Variants in SLC44A5 observed in about 807,000 individuals in gnomAD.
SLC44A5 encodes solute carrier family 44 member 5, also known as choline transporter-like protein 5.
In SLC44A5, 57 loss-of-function variants were observed where a neutral mutation model predicts 101.8. The observed-to-expected ratio is 0.56, with a 90% CI of 0.45 to 0.70. SLC44A5 has a LOEUF of 0.70. Ranked by LOEUF, SLC44A5 falls within the 30% of genes least tolerant of loss-of-function variation. The pLI is 0.00. For synonymous variants in SLC44A5, 281 were observed against 290.9 expected (o/e 0.97, Z 0.35); for missense variants, 737 against 853.1 (o/e 0.86, Z 1.70).
chr1:75,219,790 C>A lies in SLC44A5; in HGVS notation c.1178+10G>T. 6.3e-7 allele frequency: 1 copy of A among 1,597,362 alleles called. No individual in the cohort carries two copies. On this transcript the variant is annotated intron_variant, in intron 15 of 23. Coordinates refer to ENST00000370859, the MANE Select transcript of SLC44A5 (RefSeq NM_001130058.2). ...CCTGAGGTTTAAAGAGGCCAATTACCAAAGGATACACTGCTGTCACGACCC... is the reference window on the plus strand; with the variant it reads ...CCTGAGGTTTAAAGAGGCCAATTACAAAAGGATACACTGCTGTCACGACCC...
At chr1:75,353,759 A>G (rs1658861424) in intron 3 of SLC44A5, among the ~76,000 whole-genome samples, 1 of 152,220 alleles carries the variant, frequency 6.6e-6, no homozygotes, top group Admixed American at 6.6e-5. Flanking sequence ...TACTTTCTGC[A>G]GAGAGATAAT....
intron 5 of SLC44A5, among the ~76,000 whole-genome samples, chr1:75,285,404 TTTTG>T (rs1266566880): frequency 6.6e-6 from 1 of 152,084 alleles, no homozygotes; most frequent in Non-Finnish European, 1.5e-5. Context: ...GGTCTATCAA[TTTTG>T]TTTATCTTTT....
intron 2 of SLC44A5, among the ~76,000 whole-genome samples, chr1:75,510,950 G>A (rs1227954659): frequency 6.6e-6 from 1 of 152,190 alleles, no homozygotes; most frequent in African/African-American, 2.4e-5. Flanking sequence ...AGACCATCCT[G>A]GCTAACACGG....
intron 1 of SLC44A5, among the ~76,000 whole-genome samples, chr1:75,590,797 T>A (rs1055840834): frequency 2.0e-5 from 3 of 151,912 alleles, no homozygotes; most frequent in Non-Finnish European, 4.4e-5. Context: ...AAATAGAAAA[T>A]CAGATAGATT....
chr1:75,501,022 C>T (rs936327698), intron 2 of SLC44A5, among the ~76,000 whole-genome samples: 9 of 152,118 alleles, frequency 5.9e-5, no homozygotes, highest in South Asian at 2.1e-4. Flanking sequence ...GGCAAAGTCA[C>T]GCATTTAATA....
chr1:75,562,940 A>T (rs1376398660), intron 1 of SLC44A5, among the ~76,000 whole-genome samples: 1 of 152,134 alleles, frequency 6.6e-6, no homozygotes, highest in Non-Finnish European at 1.5e-5. Context: ...TTACAAAAAC[A>T]CTTGTATATT....
chr1:75,448,972 C>T (rs1279293672), intron 2 of SLC44A5, among the ~76,000 whole-genome samples: 1 of 152,174 alleles, frequency 6.6e-6, no homozygotes, highest in Admixed American at 6.5e-5. Flanking sequence ...CCTTCTCTTT[C>T]TCAACCACAG....
chr1:75,298,708 G>A (rs1231472624), intron 5 of SLC44A5, among the ~76,000 whole-genome samples: 1 of 152,144 alleles, frequency 6.6e-6, no homozygotes, highest in Non-Finnish European at 1.5e-5. Context: ...TGAAGTTCCT[G>A]TGTGCAGTCA....
chr1:75,478,025 G>A (rs1038522643), intron 2 of SLC44A5, among the ~76,000 whole-genome samples: 15 of 152,160 alleles, frequency 9.9e-5, no homozygotes, highest in South Asian at 8.3e-4. Context: ...ACCCACAAAG[G>A]GAAGCCCATC....
intron 5 of SLC44A5, among the ~76,000 whole-genome samples, chr1:75,287,114 T>C (rs2100805679): frequency 6.6e-6 from 1 of 152,240 alleles, no homozygotes; most frequent in Non-Finnish European, 1.5e-5. Flanking sequence ...AATCCCAAAC[T>C]TTTTGGAGGC....
chr1:75,605,354 A>C (rs1675261811), intron 1 of SLC44A5, among the ~76,000 whole-genome samples: 1 of 151,970 alleles, frequency 6.6e-6, no homozygotes, highest in Admixed American at 6.6e-5. Flanking sequence ...AGTTATTAAG[A>C]ATGAGAAGGT....
At chr1:75,238,459 C>T (rs965222226) in intron 10 of SLC44A5, 54 bp downstream of exon 10, 17 of 1,463,396 alleles carry the variant, frequency 1.2e-5, no homozygotes, top group African/African-American at 8.7e-5. Context: ...GCTTTAGTCT[C>T]GAGTGCAATA....
chr1:75,295,696 T>C (rs1397764578), intron 5 of SLC44A5, among the ~76,000 whole-genome samples: 1 of 152,094 alleles, frequency 6.6e-6, no homozygotes, highest in Non-Finnish European at 1.5e-5. Context: ...TAGTCTTGGA[T>C]TGGGAGCCAC....
chr1:75,262,964 T>C (rs1650660310), intron 6 of SLC44A5, among the ~76,000 whole-genome samples: 1 of 152,156 alleles, frequency 6.6e-6, no homozygotes, highest in African/African-American at 2.4e-5. Flanking sequence ...TTCTTTACCT[T>C]ATACAAAAAG....
At chr1:75,659,844 T>C in the SLC44A5 span, among the ~76,000 whole-genome samples, 1 of 152,016 alleles carries the variant, frequency 6.6e-6, no homozygotes, top group African/African-American at 2.4e-5. Context: ...GCAAACCAAA[T>C]GTAATAATAC....
At chr1:75,616,006 C>G, upstream of SLC44A5, 2 of 508,908 alleles carry the variant, frequency 3.9e-6, no homozygotes, top group Non-Finnish European at 5.1e-6. Flanking sequence ...GTGATGGCAT[C>G]TGCGAGCAGC....
rs578002506 is a variant in SLC44A5, at chr1:75,460,362, C to T, written c.14-63741G>A. ...CAGTACAGAAACTATGTGATTAAGA[C>T]AATAAATATTTCACAAAATGTAAAC... On this transcript the variant is annotated intron_variant, in intron 2 of 23. Coordinates refer to ENST00000370859, the MANE Select transcript of SLC44A5 (RefSeq NM_001130058.2). 2.0e-5 allele frequency among the ~76,000 whole-genome samples: 3 copies of T among 152,278 alleles called. No homozygotes were observed. The South Asian group carries it at 6.2e-4, about 32-fold the overall frequency.
chr1:75,533,898 G>A (rs957043195), intron 2 of SLC44A5, among the ~76,000 whole-genome samples: 15 of 152,004 alleles, frequency 9.9e-5, no homozygotes, highest in Non-Finnish European at 1.3e-4. Context: ...TTTTCGAAAC[G>A]TCTTTAGGTA....
At chr1:75,642,908 A>G in the SLC44A5 span, among the ~76,000 whole-genome samples, 1 of 152,194 alleles carries the variant, frequency 6.6e-6, no homozygotes. Context: ...TTTAGGTTAT[A>G]TTTCTATCAA....
Sources: allele counts gnomAD v4.1 joint callset (sites outside exome capture counted in the v4.1 genomes callset), GRCh38; gene constraint gnomAD v4.1.1; transcripts MANE v1.5; gene names NCBI Gene and HGNC (gene_info 2026-07-23, HGNC 2026-07-21).